The following DMD variants were observed in gnomAD, a reference collection of about 807,000 sequenced individuals.
DMD encodes the protein mutant dystrophin.
A neutral mutation model predicts 330.1 loss-of-function variants in DMD; 63 were observed. The ratio of observed to expected loss-of-function variants is 0.19; its 90% CI spans 0.16 to 0.24. The LOEUF (loss-of-function observed/expected upper bound fraction) is 0.24. Among genes scored for constraint, DMD ranks in the 10% least tolerant of loss-of-function variants. The pLI, the probability that DMD is intolerant of heterozygous loss-of-function variation, is 1.00. For missense variants in DMD, 3,344 were observed against 2,684.1 expected (o/e 1.25, Z -5.43); for synonymous variants, 1,223 against 959.8 (o/e 1.27, Z -5.07).
At chrX:31,511,231 A>G (rs1255083437) in intron 55 of DMD, among the ~76,000 whole-genome samples, 1 of 106,184 alleles carries the variant, frequency 9.4e-6, no homozygotes, top group Non-Finnish European at 1.9e-5. Context: ...AGGAATATAC[A>G]TTATACATAA....
At chrX:31,186,434 A>AGT (rs1408427513) in intron 67 of DMD, among the ~76,000 whole-genome samples, 1 of 112,008 alleles carries the variant, frequency 8.9e-6, no homozygotes, top group Admixed American at 9.5e-5. Flanking sequence ...TTCACTTATA[A>AGT]GTGGGAGTTA....
At chrX:33,172,101 C>T (rs1231684821) in intron 1 of DMD, among the ~76,000 whole-genome samples, 3 of 110,999 alleles carry the variant, frequency 2.7e-5, no homozygotes, top group Non-Finnish European at 3.8e-5. Flanking sequence ...GAATATTAAA[C>T]AAATGTATTC....
intron 1 of DMD, among the ~76,000 whole-genome samples, chrX:33,029,429 G>A (rs2094066245): frequency 8.9e-6 from 1 of 111,961 alleles, no homozygotes; most frequent in South Asian, 3.7e-4. Flanking sequence ...CTGACACAAT[G>A]TAAAATGCTA....
chrX:31,407,726 C>T (rs1020798558), intron 60 of DMD, among the ~76,000 whole-genome samples: 4 of 109,473 alleles, frequency 3.7e-5, no homozygotes, highest in Non-Finnish European at 3.8e-5. Context: ...GTGATCCATC[C>T]GCCTCGGCCT....
intron 2 of DMD, among the ~76,000 whole-genome samples, chrX:33,018,700 A>G (rs920194778): frequency 2.7e-5 from 3 of 111,847 alleles, no homozygotes; most frequent in Non-Finnish European, 3.8e-5. Context: ...TGTTTGTTTG[A>G]AAATATGTCT....
chrX:31,457,753 A>G (rs1339036956), intron 59 of DMD, among the ~76,000 whole-genome samples: 3 of 111,787 alleles, frequency 2.7e-5, no homozygotes, highest in African/African-American at 9.7e-5. Context: ...ACATTTATTT[A>G]GTTTTGGTTC....
chrX:31,341,922 CATGTACACACAT>C (rs1212490115), intron 61 of DMD, among the ~76,000 whole-genome samples: 1 of 109,800 alleles, frequency 9.1e-6, no homozygotes, highest in Non-Finnish European at 1.9e-5. Context: ...CACACACACG[CATGTACACACAT>C]ATCTAACAAA....
chrX:31,261,076 G>GA, intron 62 of DMD, 60 bp from the exon 63 acceptor site: 1 of 1,005,021 alleles, frequency 1.0e-6, no homozygotes, highest in East Asian at 3.1e-5. Flanking sequence ...AAGAAAACAG[G>GA]AAAAAAGAAA....
chrX:31,260,813 T>C, intron 63 of DMD, 142 bp downstream of exon 63: 1 of 506,005 alleles, frequency 2.0e-6, no homozygotes, highest in South Asian at 3.2e-5. Context: ...ACTGTCAATT[T>C]TGGATAGGAA....
chrX:32,660,858 G>C (rs1291435870), intron 9 of DMD, among the ~76,000 whole-genome samples: 1 of 110,983 alleles, frequency 9.0e-6, no homozygotes, highest in Non-Finnish European at 1.9e-5. Context: ...AGATTTCCTA[G>C]GTTACTCTGA....
intron 51 of DMD, among the ~76,000 whole-genome samples, chrX:31,734,021 GAATA>G (rs2086692744): frequency 9.0e-6 from 1 of 110,723 alleles, no homozygotes; most frequent in African/African-American, 3.3e-5. Flanking sequence ...TTTATTCACT[GAATA>G]AATACTTTAT....
intron 7 of DMD, among the ~76,000 whole-genome samples, chrX:32,789,029 G>A (rs1202214556): frequency 9.0e-6 from 1 of 111,691 alleles, no homozygotes; most frequent in African/African-American, 3.3e-5. Flanking sequence ...TCTGCAAACA[G>A]CTCCTCTCAC....
At chrX:31,576,867 C>T (rs1206010327) in intron 55 of DMD, among the ~76,000 whole-genome samples, 1 of 109,387 alleles carries the variant, frequency 9.1e-6, no homozygotes, top group South Asian at 4.0e-4. Flanking sequence ...AGGCGCCCAC[C>T]ACCACGCCCG....
In DMD at chrX:33,244,521, C is replaced by T. The variant is rs748218878; in HGVS notation, c.7+94738G>A. On this transcript the variant is annotated intron_variant, in intron 1 of 17. Transcript: ENST00000288447. Reference sequence around the variant, plus strand: ...TTTTTAAGGCTGAGTTCAACTCAAGCTATTTCTACTCTGAGTTTGCAAGTT... The same window carrying T: ...TTTTTAAGGCTGAGTTCAACTCAAGTTATTTCTACTCTGAGTTTGCAAGTT... Among the ~76,000 whole-genome samples the T allele has an allele frequency of 2.8e-3, 311 of 111,837 alleles. 1 individual carries two copies. The highest frequency in any genetic ancestry group is 4.7e-3 in the Non-Finnish European group (248 of 53,071).
At chrX:32,331,591 T>A (rs959984678) in intron 41 of DMD, among the ~76,000 whole-genome samples, 1 of 111,595 alleles carries the variant, frequency 9.0e-6, no homozygotes, top group Non-Finnish European at 1.9e-5. Flanking sequence ...TTTTCTTATG[T>A]TTATTAATAT....
chrX:31,923,594 C>CT (rs746084752), intron 47 of DMD, among the ~76,000 whole-genome samples: 1,116 of 76,071 alleles, frequency 0.015, 6 homozygotes, highest in Non-Finnish European at 0.018. Flanking sequence ...GGTGAACACC[C>CT]TTTTTTTTTT....
Position 32,787,556 on chromosome X carries a change from G to A in DMD, c.649+21937C>T, listed in dbSNP as rs12556697. Among the ~76,000 whole-genome samples, 302 of 110,708 alleles carry A rather than the reference G, an allele frequency of 2.7e-3. 1 individual carries two copies. Among genetic ancestry groups the A allele is most frequent in the Non-Finnish European group, 4.8e-3 (253 of 52,881 alleles). Reference sequence around the variant, plus strand: ...ACCACAAATAGGCCCTATATATACTGTTTTTCCCATACATATACATACCTA... The same window carrying A: ...ACCACAAATAGGCCCTATATATACTATTTTTCCCATACATATACATACCTA... On this transcript the variant is annotated intron_variant, in intron 7 of 78. Coordinates refer to ENST00000357033, the MANE Select transcript of DMD (RefSeq NM_004006.3).
intron 9 of DMD, among the ~76,000 whole-genome samples, chrX:32,649,900 G>A (rs757942576): frequency 4.6e-4 from 51 of 111,498 alleles, no homozygotes; most frequent in African/African-American, 1.6e-3. Context: ...TAAGGCTGCT[G>A]GAAAGATTAG....
At chrX:31,842,383 T>C (rs1304187850) in intron 48 of DMD, among the ~76,000 whole-genome samples, 1 of 112,430 alleles carries the variant, frequency 8.9e-6, no homozygotes, top group Admixed American at 9.4e-5. Flanking sequence ...ACAAAGGGTT[T>C]AGAATATTCT....
Sources: allele counts gnomAD v4.1 joint callset (sites outside exome capture counted in the v4.1 genomes callset), GRCh38; gene constraint gnomAD v4.1.1; transcripts MANE v1.5; gene names NCBI Gene and HGNC (gene_info 2026-07-23, HGNC 2026-07-21).